The following TENM4 variants were observed in gnomAD, a reference collection of about 807,000 sequenced individuals.
The protein encoded by TENM4 is teneurin transmembrane protein 4.
Under a neutral mutation model 243.3 loss-of-function variants are expected in TENM4, and 82 were observed. The ratio of observed to expected loss-of-function variants is 0.34; its 90% CI spans 0.28 to 0.40. The LOEUF is 0.40. TENM4 is among the 10% of genes least tolerant of loss of function. The probability of loss-of-function intolerance (pLI) is 1.00; values close to 1 mark genes in which losing one functional copy is unlikely to be tolerated. For missense variants in TENM4, 3,138 were observed against 3,673.3 expected, an observed-to-expected ratio of 0.85 and a Z score of 3.77; for synonymous variants, 1,412 against 1,456.3, an observed-to-expected ratio of 0.97 and a Z score of 0.69.
intron 2 of TENM4, among the ~76,000 whole-genome samples, chr11:79,223,441 T>A (rs522783): frequency 6.6e-6 from 1 of 152,038 alleles, no homozygotes; most frequent in African/African-American, 2.4e-5. Context: ...AGTCTAGTTC[T>A]CAACCACTGG....
At chr11:79,431,154 T>C (rs1445620088) in intron 1 of TENM4, among the ~76,000 whole-genome samples, 1 of 152,248 alleles carries the variant, frequency 6.6e-6, no homozygotes, top group East Asian at 1.9e-4. Context: ...AAGCTACTAC[T>C]CAGTACTTTA....
At chr11:78,849,167 T>C (rs895286117) in intron 12 of TENM4, among the ~76,000 whole-genome samples, 2 of 152,224 alleles carry the variant, frequency 1.3e-5, no homozygotes, top group African/African-American at 2.4e-5. Context: ...AGATGCTACC[T>C]GAAGAATGAA....
chr11:78,683,944 T>C (rs1417041605), intron 29 of TENM4, among the ~76,000 whole-genome samples: 1 of 152,222 alleles, frequency 6.6e-6, no homozygotes, highest in Non-Finnish European at 1.5e-5. Context: ...CTTGGCTGTT[T>C]CCTCTGCACT....
At chr11:78,942,411 CT>C (rs2136460312) in intron 6 of TENM4, among the ~76,000 whole-genome samples, 1 of 149,706 alleles carries the variant, frequency 6.7e-6, no homozygotes, top group African/African-American at 2.5e-5. Context: ...TGCCACTGCA[CT>C]CCAGCCTGGG....
intron 3 of TENM4, among the ~76,000 whole-genome samples, chr11:79,195,640 A>T (rs1174190814): frequency 6.6e-6 from 1 of 152,096 alleles, no homozygotes. Context: ...GAATGGCTGT[A>T]TTTACCAAAT....
chr11:79,071,848 T>C (rs560207428), intron 4 of TENM4, among the ~76,000 whole-genome samples: 1 of 152,278 alleles, frequency 6.6e-6, no homozygotes, highest in East Asian at 1.9e-4. Context: ...GTGAGTTAGT[T>C]GCAAAGCTGG....
intron 28 of TENM4, among the ~76,000 whole-genome samples, chr11:78,691,778 GAA>G (rs1858832576): frequency 6.6e-6 from 1 of 152,202 alleles, no homozygotes; most frequent in Non-Finnish European, 1.5e-5. Flanking sequence ...TAGAAGGACT[GAA>G]TGTCTTAATG....
chr11:79,323,447 C>T (rs1856923723), intron 1 of TENM4, among the ~76,000 whole-genome samples: 1 of 152,182 alleles, frequency 6.6e-6, no homozygotes, highest in Non-Finnish European at 1.5e-5. Context: ...TTGGGGGACT[C>T]AGCAGCAAAC....
At chr11:78,997,169 T>C (rs1044974252) in intron 6 of TENM4, among the ~76,000 whole-genome samples, 1 of 152,194 alleles carries the variant, frequency 6.6e-6, no homozygotes, top group Non-Finnish European at 1.5e-5. Flanking sequence ...TAGTGTTTGG[T>C]ACATGGTAAA....
chr11:79,284,774 T>C (rs1352917062), intron 2 of TENM4, among the ~76,000 whole-genome samples: 1 of 152,098 alleles, frequency 6.6e-6, no homozygotes, highest in Non-Finnish European at 1.5e-5. Flanking sequence ...ACTCACAGAA[T>C]GGGAAAAAAA....
chr11:79,350,796 G>A (rs1023276403), intron 1 of TENM4, among the ~76,000 whole-genome samples: 6 of 151,900 alleles, frequency 3.9e-5, no homozygotes, highest in South Asian at 2.1e-4. Flanking sequence ...CAACTACCAC[G>A]CCCTTCAGGG....
chr11:79,318,201 G>A (rs1856832817), intron 1 of TENM4, among the ~76,000 whole-genome samples: 1 of 151,918 alleles, frequency 6.6e-6, no homozygotes, highest in South Asian at 2.1e-4. Context: ...CTTTCCCCAG[G>A]GCCTACCGTG....
chr11:79,419,586 A>G (rs962599630), intron 1 of TENM4, among the ~76,000 whole-genome samples: 20 of 152,202 alleles, frequency 1.3e-4, no homozygotes, highest in African/African-American at 4.8e-4. Flanking sequence ...TGTACTTTGT[A>G]TGGGCTCAAA....
chr11:79,270,461 A>T (rs913190262), intron 2 of TENM4, among the ~76,000 whole-genome samples: 2 of 152,190 alleles, frequency 1.3e-5, no homozygotes, highest in African/African-American at 2.4e-5. Context: ...GAAAACTCCT[A>T]AATGATTTGG....
intron 1 of TENM4, among the ~76,000 whole-genome samples, chr11:79,433,879 G>A (rs1228485603): frequency 6.6e-6 from 1 of 152,222 alleles, no homozygotes; most frequent in Non-Finnish European, 1.5e-5. Context: ...GTTGTCTGAA[G>A]TCAGAGTCAG....
At chr11:78,768,306 C>T (rs903294989) in intron 18 of TENM4, among the ~76,000 whole-genome samples, 2 of 152,344 alleles carry the variant, frequency 1.3e-5, no homozygotes, top group Non-Finnish European at 2.9e-5. Flanking sequence ...ACAATTTGGC[C>T]TTCCCAGCTG....
intron 12 of TENM4, among the ~76,000 whole-genome samples, chr11:78,821,382 C>A (rs1857728884): frequency 6.6e-6 from 1 of 152,140 alleles, no homozygotes; most frequent in Non-Finnish European, 1.5e-5. Flanking sequence ...AGCAGGAATA[C>A]AAGGGGAAAA....
chr11:78,949,346 C>T (rs1857068694), intron 6 of TENM4, among the ~76,000 whole-genome samples: 1 of 152,184 alleles, frequency 6.6e-6, no homozygotes, highest in Non-Finnish European at 1.5e-5. Flanking sequence ...CAGTATTTGA[C>T]ACACAGTAGG....
In TENM4 at chr11:79,395,714, T is replaced by C. The variant is rs982349834; in HGVS notation, c.-321+44795A>G. Among the ~76,000 whole-genome samples, 7 of 150,870 alleles carry C rather than the reference T, an allele frequency of 4.6e-5. No individual in the cohort carries two copies. The East Asian group carries it at 1.4e-3, about 29-fold the overall frequency. On this transcript the variant is annotated intron_variant, in intron 1 of 33. Coordinates refer to ENST00000278550, the MANE Select transcript of TENM4 (RefSeq NM_001098816.3). ...TCTGGACATTTACTGCCCACTCCTC[T>C]TTTAGAAACACTTTCATACTCACTC... is the stretch of plus-strand genomic sequence containing the variant.
Sources: allele counts gnomAD v4.1 joint callset (sites outside exome capture counted in the v4.1 genomes callset), GRCh38; gene constraint gnomAD v4.1.1; transcripts MANE v1.5; gene names NCBI Gene and HGNC (gene_info 2026-07-23, HGNC 2026-07-21).